The following CNTN5 variants were observed in gnomAD, a reference collection of about 807,000 sequenced individuals.
The protein encoded by CNTN5 is contactin 5.
A neutral mutation model predicts 129.1 loss-of-function variants in CNTN5; 77 were observed. The observed-to-expected ratio is 0.60, with a 90% CI of 0.50 to 0.72. CNTN5 has a LOEUF of 0.72. Among genes scored for constraint, CNTN5 ranks in the 30% least tolerant of loss-of-function variants. CNTN5 has a pLI of 0.00. For missense variants in CNTN5, 1,478 were observed against 1,328.8 expected (o/e 1.11, Z -1.75); for synonymous variants, 509 against 465.6 (o/e 1.09, Z -1.20).
chr11:100,068,815 G>A (rs148763284), intron 10 of CNTN5, among the ~76,000 whole-genome samples: 2,224 of 152,274 alleles, frequency 0.015, 15 homozygotes, highest in Non-Finnish European at 0.02. Flanking sequence ...GGCTTCTAAA[G>A]TCTAGACTAT....
intron 2 of CNTN5, among the ~76,000 whole-genome samples, chr11:99,385,802 G>T (rs543049670): frequency 6.6e-6 from 1 of 152,160 alleles, no homozygotes; most frequent in East Asian, 1.9e-4. Flanking sequence ...TTTCCACAGT[G>T]CATCCTGTAT....
chr11:100,018,667 G>T (rs2137552998), intron 9 of CNTN5, among the ~76,000 whole-genome samples: 1 of 152,008 alleles, frequency 6.6e-6, no homozygotes, highest in Non-Finnish European at 1.5e-5. Flanking sequence ...AGCATTGAAA[G>T]TTTTTCTTAG....
At chr11:99,267,980 G>A (rs897680706) in intron 1 of CNTN5, among the ~76,000 whole-genome samples, 1 of 150,270 alleles carries the variant, frequency 6.7e-6, no homozygotes. Context: ...ATCAAGTCTT[G>A]TTTGGGTGCA....
intron 6 of CNTN5, among the ~76,000 whole-genome samples, chr11:99,909,210 T>C (rs1263155412): frequency 6.6e-6 from 1 of 152,072 alleles, no homozygotes; most frequent in African/African-American, 2.4e-5. Flanking sequence ...AGGTGACTGA[T>C]AACAAATATT....
chr11:100,165,893 T>C (rs1053466123), intron 13 of CNTN5, among the ~76,000 whole-genome samples: 14 of 151,770 alleles, frequency 9.2e-5, no homozygotes, highest in African/African-American at 3.4e-4. Context: ...GTTAAAGAAC[T>C]TGCCTGCATC....
intron 2 of CNTN5, among the ~76,000 whole-genome samples, chr11:99,328,355 A>G (rs1189916304): frequency 1.3e-5 from 2 of 152,178 alleles, no homozygotes; most frequent in Non-Finnish European, 2.9e-5. Context: ...ATGAATGAAA[A>G]GCGTAATTTC....
chr11:99,499,995 C>A (rs1284826489), intron 2 of CNTN5, among the ~76,000 whole-genome samples: 1 of 151,756 alleles, frequency 6.6e-6, no homozygotes, highest in Non-Finnish European at 1.5e-5. Context: ...AAAAGAATGG[C>A]AAAAAAATGG....
intron 2 of CNTN5, among the ~76,000 whole-genome samples, chr11:99,439,732 GA>G (rs1394395086): frequency 1.9e-3 from 249 of 133,574 alleles, no homozygotes; most frequent in African/African-American, 6.3e-3. Flanking sequence ...AAAAGAAAAA[GA>G]AAAAAAGAAA....
intron 1 of CNTN5, among the ~76,000 whole-genome samples, chr11:99,245,573 G>A (rs1034575393): frequency 2.6e-5 from 4 of 151,968 alleles, no homozygotes; most frequent in African/African-American, 7.2e-5. Context: ...CACCTGCCTC[G>A]GCCTCCCAAA....
chr11:99,290,246 T>C (rs937229991), intron 1 of CNTN5, among the ~76,000 whole-genome samples: 4 of 151,848 alleles, frequency 2.6e-5, no homozygotes, highest in East Asian at 1.9e-4. Context: ...GTAGAAGATA[T>C]GGAAGCTTGC....
intron 2 of CNTN5, among the ~76,000 whole-genome samples, chr11:99,503,526 G>C (rs534047418): frequency 6.6e-6 from 1 of 152,194 alleles, no homozygotes; most frequent in African/African-American, 2.4e-5. Flanking sequence ...GCAATGCTGT[G>C]AGTGTGAAAC....
intron 6 of CNTN5, among the ~76,000 whole-genome samples, chr11:99,868,433 T>G (rs978187798): frequency 1.1e-4 from 16 of 152,150 alleles, no homozygotes; most frequent in African/African-American, 3.6e-4. Flanking sequence ...GCCATCCTCA[T>G]TTTGTGTTGA....
intron 17 of CNTN5, among the ~76,000 whole-genome samples, chr11:100,260,506 A>G (rs1591447142): frequency 2.0e-5 from 3 of 152,350 alleles, no homozygotes; most frequent in Admixed American, 2.0e-4. Flanking sequence ...AGAAAATTTC[A>G]GGCCAATATC....
intron 1 of CNTN5, among the ~76,000 whole-genome samples, chr11:99,093,084 T>C (rs1591178583): frequency 6.6e-6 from 1 of 152,040 alleles, no homozygotes; most frequent in African/African-American, 2.4e-5. Context: ...TAGCTGTTAG[T>C]TGAATGAGAG....
At chr11:100,018,168 A>T (rs1339113992) in intron 9 of CNTN5, among the ~76,000 whole-genome samples, 1 of 152,002 alleles carries the variant, frequency 6.6e-6, no homozygotes, top group African/African-American at 2.4e-5. Context: ...TTGGAACACA[A>T]TAAAATGTTT....
intron 6 of CNTN5, among the ~76,000 whole-genome samples, chr11:99,895,135 G>T (rs1949172080): frequency 6.6e-6 from 1 of 152,186 alleles, no homozygotes; most frequent in Non-Finnish European, 1.5e-5. Context: ...TCAGATAATA[G>T]AATTGTGATT....
chr11:99,818,721 A>G (rs1207195194), intron 3 of CNTN5, among the ~76,000 whole-genome samples: 1 of 152,128 alleles, frequency 6.6e-6, no homozygotes, highest in Non-Finnish European at 1.5e-5. Flanking sequence ...ATTGTTTCTT[A>G]TGGACATAAA....
chr11:99,695,873 T>C (rs867112629), intron 3 of CNTN5, among the ~76,000 whole-genome samples: 6 of 152,110 alleles, frequency 3.9e-5, no homozygotes, highest in Admixed American at 1.3e-4. Flanking sequence ...ATAAAATGTC[T>C]ATTACTAACA....
chr11:99,778,056 A>T (rs891770332), intron 3 of CNTN5, among the ~76,000 whole-genome samples: 1 of 151,856 alleles, frequency 6.6e-6, no homozygotes, highest in Non-Finnish European at 1.5e-5. Context: ...TCCATTTTTT[A>T]ATTCAGATTG....
Sources: gnomAD v4.1 joint callset for allele counts (sites outside exome capture counted in the v4.1 genomes callset) on GRCh38, gnomAD v4.1.1 for gene constraint, MANE v1.5 for transcripts, NCBI Gene and HGNC (gene_info 2026-07-23, HGNC 2026-07-21) for gene names.